Variants in SUCO observed in about 807,000 individuals in gnomAD.
SUCO encodes the protein SUN domain containing ossification factor, also known as SUN domain-containing ossification factor.
Under a neutral mutation model 148.1 loss-of-function variants are expected in SUCO, and 57 were observed. The observed-to-expected ratio is 0.38, with a 90% CI of 0.31 to 0.48. The LOEUF is 0.48. Ranked by LOEUF, SUCO falls within the 20% of genes least tolerant of loss-of-function variation. The pLI, the probability that SUCO is intolerant of heterozygous loss-of-function variation, is 0.96. For synonymous variants in SUCO, 470 were observed against 502.7 expected (o/e 0.93, Z 0.87); for missense variants, 1,331 against 1,468.2 (o/e 0.91, Z 1.53).
upstream of SUCO, chr1:172,532,721 AAG>A (rs1324681200): frequency 3.1e-6 from 5 of 1,613,884 alleles, no homozygotes; most frequent in Admixed American, 3.3e-5. Context: ...GGGACTGGGA[AAG>A]AGAAAAACGA....
intron 17 of SUCO, chr1:172,588,161 G>A (rs1656369280): frequency 1.0e-6 from 1 of 985,172 alleles, no homozygotes; most frequent in South Asian, 4.7e-5. Flanking sequence ...ATAATCCTAT[G>A]TGTGTAGGTG....
chr1:172,579,190 C>T lies in SUCO; in HGVS notation c.1433-12C>T, dbSNP rs779866310. ...ATCTCAGCATAATTACTTTTATTTTCGTTTTTAACAGATTATCCACTGGAT... is the reference window on the plus strand; with the variant it reads ...ATCTCAGCATAATTACTTTTATTTTTGTTTTTAACAGATTATCCACTGGAT... On this transcript the variant is annotated splice_polypyrimidine_tract_variant and intron_variant, in intron 14 of 23. Transcript: ENST00000263688. 8.0e-6 allele frequency: 12 copies of T among 1,495,946 alleles called. No homozygotes were observed. Among genetic ancestry groups the T allele is most frequent in the East Asian group, 6.8e-5 (3 of 43,868 alleles). 92.7% of individuals were successfully genotyped at this position (1,495,946 alleles called of 1,614,324 possible).
chr1:172,556,797 C>A (rs1479590646), intron 4 of SUCO: 1 of 907,716 alleles, frequency 1.1e-6, no homozygotes. Context: ...AGGCTAGATA[C>A]TATATATCTG....
At chr1:172,532,858 C>A (rs557532608), upstream of SUCO, 6 of 1,522,962 alleles carry the variant, frequency 3.9e-6, no homozygotes, top group Non-Finnish European at 5.3e-6. Context: ...TTTCTGAACG[C>A]AAGCCAGCAA....
chr1:172,547,138 A>G lies in SUCO; in HGVS notation c.63-4374A>G, dbSNP rs375813884. ...CAATTCTGGAACATCATCTAAATGG[A>G]GTTATACAGTATTAGCTCATGTGTT... On this transcript the variant is annotated intron_variant, in intron 1 of 23. Coordinates refer to ENST00000263688, the MANE Select transcript of SUCO (RefSeq NM_014283.5). Among the ~76,000 whole-genome samples, 3 of 152,182 alleles carry G rather than the reference A, an allele frequency of 2.0e-5. No individual in the cohort carries two copies. In the South Asian group the frequency reaches 6.2e-4, roughly 31 times the overall value.
intron 21 of SUCO, 95 bp from the exon 22 acceptor site, chr1:172,602,601 A>G (rs926674343): frequency 6.5e-7 from 1 of 1,542,372 alleles, no homozygotes; most frequent in Non-Finnish European, 8.7e-7. Context: ...TGTGGTATGT[A>G]CAGTTCTCAA....
chr1:172,538,961 G>T (rs1407143421), intron 1 of SUCO, among the ~76,000 whole-genome samples: 1 of 152,164 alleles, frequency 6.6e-6, no homozygotes, highest in Non-Finnish European at 1.5e-5. Flanking sequence ...CGTGTTTCAT[G>T]TTGGTCCTTT....
intron 1 of SUCO, among the ~76,000 whole-genome samples, chr1:172,549,891 GAAAA>G (rs60802914): frequency 1.4e-5 from 2 of 143,886 alleles, no homozygotes. Flanking sequence ...TTCCTTCAGG[GAAAA>G]AAAAAAAAAA....
At chr1:172,560,938 A>G (rs540371716) in intron 6 of SUCO, among the ~76,000 whole-genome samples, 183 of 152,314 alleles carry the variant, frequency 1.2e-3, no homozygotes, top group Middle Eastern at 3.4e-3. Flanking sequence ...ACTTGAGTCT[A>G]TAGAGATACT....
At position 172,551,142 on chromosome 1, in the gene SUCO, T is replaced by G. The variant is rs3021328; in HGVS notation, c.63-370T>G. Among the ~76,000 whole-genome samples the G allele has an allele frequency of 4.2e-3, 638 of 152,164 alleles. 4 individuals are homozygous for G. Among genetic ancestry groups the G allele is most frequent in the South Asian group, 0.018 (87 of 4,830 alleles). On this transcript the variant is annotated intron_variant, in intron 1 of 23. Coordinates refer to ENST00000263688, the MANE Select transcript of SUCO (RefSeq NM_014283.5). ...ATGCTTTTAAACAGTTGAGGTAACT[T>G]TAGGATTATCTGTTCTTAAATATTT...
chr1:172,553,155 C>T (rs1350447576), intron 2 of SUCO, 105 bp from the exon 3 acceptor site: 2 of 1,214,006 alleles, frequency 1.6e-6, no homozygotes, highest in African/African-American at 3.1e-5. Flanking sequence ...ATAAACAAGG[C>T]AGTTTTTTGG....
intron 1 of SUCO, among the ~76,000 whole-genome samples, chr1:172,543,276 T>G (rs565636447): frequency 3.3e-5 from 5 of 152,336 alleles, no homozygotes; most frequent in Admixed American, 1.3e-4. Flanking sequence ...ATAGAGACTT[T>G]GTTTGAGCAT....
chr1:172,535,088 A>G (rs772662812), intron 1 of SUCO, among the ~76,000 whole-genome samples: 2 of 152,164 alleles, frequency 1.3e-5, no homozygotes, highest in African/African-American at 2.4e-5. Context: ...TCTTTTGATT[A>G]AGCTAACCCT....
chr1:172,593,158 C>T (rs1034675765), intron 19 of SUCO, among the ~76,000 whole-genome samples: 10 of 152,216 alleles, frequency 6.6e-5, no homozygotes, highest in Admixed American at 3.3e-4. Context: ...TGCTTATCAG[C>T]TTAGGGAGAT....
intron 1 of SUCO, among the ~76,000 whole-genome samples, chr1:172,536,107 C>G (rs1210917730): frequency 6.6e-6 from 1 of 152,150 alleles, no homozygotes; most frequent in Non-Finnish European, 1.5e-5. Context: ...CACCTTTAAT[C>G]TTTATAAGAA....
Position 172,561,835 on chromosome 1 carries a change from C to T in SUCO, c.732+4041C>T, listed in dbSNP as rs151009005. Among the ~76,000 whole-genome samples, 13 of 152,292 alleles carry T rather than the reference C, an allele frequency of 8.5e-5. No homozygotes were observed. In the East Asian group the frequency reaches 1.4e-3, roughly 16 times the overall value. ...GGACCTGGGGCAGGCAGCATACTACCTCAGCATTGGCACAGGAGAAAATAA... is the reference window on the plus strand; with the variant it reads ...GGACCTGGGGCAGGCAGCATACTACTTCAGCATTGGCACAGGAGAAAATAA... On this transcript the variant is annotated intron_variant, in intron 6 of 23. Transcript: ENST00000263688.
chr1:172,557,818 T>C (rs1227754033), intron 6 of SUCO, 24 bp downstream of exon 6: 12 of 1,534,212 alleles, frequency 7.8e-6, no homozygotes, highest in Non-Finnish European at 1.1e-5. Context: ...TTGCACTATC[T>C]CTTACTTCTT....
At chr1:172,532,786 C>T (rs1395664971), upstream of SUCO, 1 of 1,608,780 alleles carries the variant, frequency 6.2e-7, no homozygotes, top group South Asian at 1.1e-5. Flanking sequence ...ACTCAGCGCG[C>T]GAGGGACGAA....
At chr1:172,561,300 G>A (rs563027071) in intron 6 of SUCO, among the ~76,000 whole-genome samples, 1 of 152,288 alleles carries the variant, frequency 6.6e-6, no homozygotes, top group South Asian at 2.1e-4. Flanking sequence ...AGTGGGGGGA[G>A]TTCATTCCAC....
Sources: gnomAD v4.1 joint callset for allele counts (sites outside exome capture counted in the v4.1 genomes callset) on GRCh38, gnomAD v4.1.1 for gene constraint, MANE v1.5 for transcripts, NCBI Gene and HGNC (gene_info 2026-07-23, HGNC 2026-07-21) for gene names.